ZNF578: variants seen among roughly 807,000 people sequenced by gnomAD.
The protein encoded by ZNF578 is Putative chemokine-related protein B42.
In ZNF578, 8 loss-of-function variants were observed where a neutral mutation model predicts 8.3. The ratio of observed to expected loss-of-function variants is 0.96; its 90% CI spans 0.56 to 1.74. ZNF578 has a LOEUF of 1.74. ZNF578 is among the 40% of genes most tolerant of loss of function. The pLI is 0.00. For synonymous variants in ZNF578, 206 were observed against 232.2 expected, an observed-to-expected ratio of 0.89 and a Z score of 1.03; for missense variants, 726 against 707.5, an observed-to-expected ratio of 1.03 and a Z score of -0.30.
At chr19:52,492,376 T>G (rs1354429960) in intron 3 of ZNF578, among the ~76,000 whole-genome samples, 8 of 151,988 alleles carry the variant, frequency 5.3e-5, no homozygotes, top group East Asian at 1.9e-4. Flanking sequence ...ACTTCTCCCT[T>G]TCCTGAGCAC....
chr19:52,468,917 C>A lies in ZNF578; in HGVS notation c.-122+11959C>A, dbSNP rs887336449. 2.0e-5 allele frequency among the ~76,000 whole-genome samples: 3 copies of A among 152,122 alleles called. No individual in the cohort carries two copies. In the East Asian group the frequency reaches 5.8e-4, roughly 29 times the overall value. On this transcript the variant is annotated intron_variant, in intron 2 of 5. Coordinates refer to ENST00000421239, the MANE Select transcript of ZNF578 (RefSeq NM_001099694.2). ...AGCAGCTTCCTGGGATATCTCGAGC[C>A]TTTGGTCACAGACTGAAGGTTGCAT...
Position 52,464,524 on chromosome 19 carries a change from C to G in ZNF578, c.-122+7566C>G, listed in dbSNP as rs149615975. ...TTGAACCTTTTGCGGCTTAATGGCT[C>G]TATCCTGTACTTGCATCCCCAAATA... On this transcript the variant is annotated intron_variant, in intron 2 of 5. Coordinates refer to ENST00000421239, the MANE Select transcript of ZNF578 (RefSeq NM_001099694.2). 7.7e-4 allele frequency among the ~76,000 whole-genome samples: 117 copies of G among 152,280 alleles called. No homozygotes were observed. In the East Asian group the frequency reaches 0.014, roughly 18 times the overall value.
intron 2 of ZNF578, among the ~76,000 whole-genome samples, chr19:52,481,073 G>T (rs965982116): frequency 2.6e-5 from 4 of 152,148 alleles, no homozygotes; most frequent in African/African-American, 9.7e-5. Context: ...ATTCATGTGT[G>T]TGACTCTGAG....
intron 5 of ZNF578, among the ~76,000 whole-genome samples, chr19:52,505,534 G>T (rs1244478693): frequency 6.6e-6 from 1 of 151,776 alleles, no homozygotes; most frequent in Non-Finnish European, 1.5e-5. Flanking sequence ...CCATTCTTCT[G>T]CCTCAGCCTC....
At position 52,506,408 on chromosome 19, in the gene ZNF578, C is replaced by T. The variant is rs188339718; in HGVS notation, c.190+1627C>T. 7.3e-3 allele frequency among the ~76,000 whole-genome samples: 1,087 copies of T among 149,748 alleles called. 12 individuals are homozygous for T. The highest frequency in any genetic ancestry group is 0.023 in the African/African-American group (944 of 40,672). On this transcript the variant is annotated intron_variant, in intron 5 of 5. Coordinates refer to ENST00000421239, the MANE Select transcript of ZNF578 (RefSeq NM_001099694.2). ...GGTGAATCACCTGAGGTCAGGAGTT[C>T]GAGACCAGCCTGGCCAACATGGTGA...
chr19:52,504,816 G>A, intron 5 of ZNF578, 35 bp downstream of exon 5: 1 of 1,612,302 alleles, frequency 6.2e-7, no homozygotes, highest in Non-Finnish European at 8.5e-7. Flanking sequence ...TGAGGAGTCT[G>A]CTCTTGTCTG....
chr19:52,498,325 G>T (rs7257031), intron 3 of ZNF578, among the ~76,000 whole-genome samples: 25,412 of 120,924 alleles, frequency 0.21, 2,616 homozygotes, highest in Admixed American at 0.26. Flanking sequence ...CCTGGCTAAT[G>T]TGTGTTTTTT....
At chr19:52,493,144 G>A (rs560072805) in intron 3 of ZNF578, among the ~76,000 whole-genome samples, 1 of 152,254 alleles carries the variant, frequency 6.6e-6, no homozygotes, top group African/African-American at 2.4e-5. Context: ...CCCGCCCCGT[G>A]CTTCTTAAAG....
rs1255256951 is a variant in ZNF578, at chr19:52,511,527, A to C, written c.1146A>C (p.Gln382His). The C allele has an allele frequency of 3.7e-6, 6 of 1,613,652 alleles. No homozygotes were observed. Among genetic ancestry groups the C allele is most frequent in the South Asian group, 1.1e-5 (1 of 91,072 alleles). ...KCNECGKMFGQNSTLVIHKAI... is the reference protein window; with the variant it reads ...KCNECGKMFGHNSTLVIHKAI... ...ATGAGTGTGGCAAGATGTTTGGTCA[A>C]AATTCAACCCTTGTAATTCATAAGG... is the stretch of plus-strand genomic sequence containing the variant. Residue 382 changes from glutamine to histidine, a missense_variant, in exon 6 of 6, where the codon CAA becomes CAC. By Grantham distance (24) the Gln-to-His change is conservative. Coordinates refer to ENST00000421239, the MANE Select transcript of ZNF578 (RefSeq NM_001099694.2).
intron 2 of ZNF578, among the ~76,000 whole-genome samples, chr19:52,465,461 C>T (rs1204343177): frequency 6.6e-6 from 1 of 152,144 alleles, no homozygotes; most frequent in Non-Finnish European, 1.5e-5. Context: ...TATCAAACTC[C>T]TCTCTCTCCT....
intron 2 of ZNF578, among the ~76,000 whole-genome samples, chr19:52,470,697 T>G (rs2059289223): frequency 6.6e-6 from 1 of 152,140 alleles, no homozygotes; most frequent in Non-Finnish European, 1.5e-5. Flanking sequence ...TCTTTCTTCT[T>G]TCTATGCTGG....
At chr19:52,506,962 G>C (rs759759149) in intron 5 of ZNF578, among the ~76,000 whole-genome samples, 3 of 152,168 alleles carry the variant, frequency 2.0e-5, no homozygotes, top group Non-Finnish European at 4.4e-5. Flanking sequence ...GTTAGAAATA[G>C]CTTAGACTGG....
rs71180468 is a variant in ZNF578 at position 52,459,612 on chromosome 19, TACACACACACACACAC to T, written c.-122+2678_-122+2693del. ...TGCTTTCAAGTCTTTAATGTGTATGTACACACACACACACACACACACACACACACACACACACATA... is the reference window on the plus strand; with the variant it reads ...TGCTTTCAAGTCTTTAATGTGTATGTACACACACACACACACACACACATA... On this transcript the variant is annotated intron_variant, in intron 2 of 5. Transcript: ENST00000421239. Among the ~76,000 whole-genome samples, 8 of 118,776 alleles carry T rather than the reference TACACACACACACACAC, an allele frequency of 6.7e-5. No homozygotes were observed. In the East Asian group the frequency reaches 8.8e-4, roughly 13 times the overall value. 77.9% of individuals were successfully genotyped at this position (118,776 alleles called of 152,430 possible). A position where few individuals can be genotyped will look rare whatever the true frequency, so the allele number is the denominator to read the frequency against.
chr19:52,495,000 T>A (rs375416896), intron 3 of ZNF578, among the ~76,000 whole-genome samples: 28,726 of 149,470 alleles, frequency 0.19, 2,579 homozygotes, highest in Non-Finnish European at 0.22. Context: ...CCCAGCTAGT[T>A]GTTTTTTTTT....
At chr19:52,489,630 GCTC>G (rs2059358294) in intron 2 of ZNF578, among the ~76,000 whole-genome samples, 1 of 151,658 alleles carries the variant, frequency 6.6e-6, no homozygotes, top group Admixed American at 6.6e-5. Context: ...TAAAAGCACT[GCTC>G]CTATTCACGT....
At chr19:52,489,560 C>T (rs2122874149) in intron 2 of ZNF578, among the ~76,000 whole-genome samples, 1 of 152,022 alleles carries the variant, frequency 6.6e-6, no homozygotes, top group South Asian at 2.1e-4. Flanking sequence ...TGCACTCCAG[C>T]CTGGGCAACA....
intron 2 of ZNF578, among the ~76,000 whole-genome samples, chr19:52,471,409 A>G (rs2059291403): frequency 6.6e-6 from 1 of 152,160 alleles, no homozygotes; most frequent in African/African-American, 2.4e-5. Context: ...TTATATATAC[A>G]CAGATCCTAT....
At chr19:52,495,282 A>C (rs928870631) in intron 3 of ZNF578, among the ~76,000 whole-genome samples, 2 of 143,654 alleles carry the variant, frequency 1.4e-5, no homozygotes, top group Non-Finnish European at 1.6e-5. Flanking sequence ...CTCCTGCGAT[A>C]CTACCCCCTG....
chr19:52,476,063 A>G (rs1231201950), intron 2 of ZNF578, among the ~76,000 whole-genome samples: 2 of 152,164 alleles, frequency 1.3e-5, no homozygotes, highest in Non-Finnish European at 2.9e-5. Flanking sequence ...TAGAAGGCAC[A>G]GAGAAAGCAA....
Sources: allele counts gnomAD v4.1 joint callset (sites outside exome capture counted in the v4.1 genomes callset), GRCh38; gene constraint gnomAD v4.1.1; transcripts MANE v1.5; gene names NCBI Gene and HGNC (gene_info 2026-07-23, HGNC 2026-07-21).